The following PPP2R2D variants were observed in gnomAD, a reference collection of about 807,000 sequenced individuals.
The protein encoded by PPP2R2D is serine/threonine-protein phosphatase 2A 55 kDa regulatory subunit B delta isoform.
PPP2R2D carries 9 observed loss-of-function variants against 31.1 expected under a neutral mutation model. The ratio of observed to expected loss-of-function variants is 0.29; its 90% CI spans 0.17 to 0.51. The LOEUF (loss-of-function observed/expected upper bound fraction) is 0.51. Among genes scored for constraint, PPP2R2D ranks in the 20% least tolerant of loss-of-function variants. PPP2R2D has a pLI of 0.98. For synonymous variants in PPP2R2D, 179 were observed against 172.6 expected, an observed-to-expected ratio of 1.04 and a Z score of -0.29; for missense variants, 391 against 465.6, an observed-to-expected ratio of 0.84 and a Z score of 1.48.
At chr10:131,907,227 T>C (rs2119717288) in intron 2 of PPP2R2D, among the ~76,000 whole-genome samples, 1 of 152,252 alleles carries the variant, frequency 6.6e-6, no homozygotes, top group East Asian at 1.9e-4. Flanking sequence ...TGGGACATGG[T>C]GTCTGCTTAT....
the PPP2R2D span, chr10:131,971,341 AAATG>A: frequency 3.9e-6 from 1 of 253,502 alleles, no homozygotes. Flanking sequence ...TAAGAAAAGA[AAATG>A]AAAACAGCCG....
intron 2 of PPP2R2D, among the ~76,000 whole-genome samples, chr10:131,917,162 C>T (rs1375915267): frequency 3.5e-5 from 5 of 141,740 alleles, no homozygotes; most frequent in Admixed American, 7.0e-5. Flanking sequence ...GGACCTCAGG[C>T]GGGTGGAATG....
At chr10:131,904,520 AG>A (rs1339813149) in intron 2 of PPP2R2D, among the ~76,000 whole-genome samples, 9 of 151,740 alleles carry the variant, frequency 5.9e-5, no homozygotes, top group Non-Finnish European at 4.4e-5. Flanking sequence ...AAAAAAAAAA[AG>A]AGAGATGGGC....
intron 7 of PPP2R2D, among the ~76,000 whole-genome samples, chr10:131,946,481 C>T (rs782000423): frequency 7.2e-5 from 11 of 152,190 alleles, no homozygotes; most frequent in Non-Finnish European, 1.6e-4. Flanking sequence ...GGACCGTGTG[C>T]AGCAGCCTTT....
At position 131,958,032 on chromosome 10, in the gene PPP2R2D, A is replaced by G. The variant is rs1315451208; in HGVS notation, c.*2069A>G. 29 of 125,200 alleles carry G rather than the reference A, an allele frequency of 2.3e-4. No individual in the cohort carries two copies. Among genetic ancestry groups the G allele is most frequent in the Middle Eastern group, 5.4e-3 (1 of 184 alleles). 7.8% of individuals were successfully genotyped at this position (125,200 alleles called of 1,614,324 possible). A position where few individuals can be genotyped will look rare whatever the true frequency, so the allele number is the denominator to read the frequency against. ...GTGCTGATCCCCCGTCCCCCTGTGG[A>G]GATGAAGGTGTGTGCTGATCCCCCA... On this transcript the variant is annotated 3_prime_UTR_variant, in exon 9 of 9. Coordinates refer to ENST00000455566, the MANE Select transcript of PPP2R2D (RefSeq NM_018461.5).
At chr10:131,953,514 C>G (rs1219844697) in intron 8 of PPP2R2D, among the ~76,000 whole-genome samples, 2 of 111,444 alleles carry the variant, frequency 1.8e-5, no homozygotes, top group Non-Finnish European at 3.4e-5. Flanking sequence ...TAGTGACTTG[C>G]AGGTGTGCAG....
the PPP2R2D span, chr10:131,968,498 G>A: frequency 2.8e-5 from 43 of 1,556,850 alleles, no homozygotes; most frequent in African/African-American, 2.6e-4. Context: ...ATCCACTAAC[G>A]AACCAAGTCA....
chr10:131,955,215 G>C (rs1031454297), intron 8 of PPP2R2D, among the ~76,000 whole-genome samples: 15 of 152,138 alleles, frequency 9.9e-5, no homozygotes, highest in African/African-American at 3.6e-4. Flanking sequence ...TCTATCCGTT[G>C]CCTCATTTGA....
chr10:131,912,562 C>T (rs994031962), intron 2 of PPP2R2D: 42,490 of 152,276 alleles, frequency 0.28, 6,093 homozygotes, highest in East Asian at 0.45. Flanking sequence ...CAGCCATACT[C>T]GAGCTCATTT....
In PPP2R2D at chr10:131,941,457, G is replaced by A. The variant is rs575753114; in HGVS notation, c.477+763G>A. ...GAGAAACCAGCACCTGTGCAGAGGT[G>A]TGTCCCCTGGAAGGAAACTCTGCCT... On this transcript the variant is annotated intron_variant, in intron 5 of 8. Coordinates refer to ENST00000455566, the MANE Select transcript of PPP2R2D (RefSeq NM_018461.5). 2.6e-5 allele frequency among the ~76,000 whole-genome samples: 4 copies of A among 152,236 alleles called. No individual in the cohort carries two copies. In the South Asian group the frequency reaches 8.3e-4, roughly 32 times the overall value.
At chr10:131,953,209 C>T (rs1338437184) in intron 8 of PPP2R2D, among the ~76,000 whole-genome samples, 147 of 56,606 alleles carry the variant, frequency 2.6e-3, no homozygotes, top group African/African-American at 8.5e-3. Flanking sequence ...CAGTGACTTG[C>T]GGTTGTGTGT....
intron 2 of PPP2R2D, among the ~76,000 whole-genome samples, chr10:131,915,740 A>G (rs902045248): frequency 2.0e-5 from 3 of 152,240 alleles, no homozygotes; most frequent in Non-Finnish European, 4.4e-5. Flanking sequence ...AGATCTGTTC[A>G]GTGTCACAGG....
In PPP2R2D at chr10:131,956,166, G is replaced by T. The variant is rs563518789; in HGVS notation, c.*203G>T. 2 of 1,233,986 alleles carry T rather than the reference G, an allele frequency of 1.6e-6. No homozygotes were observed. The highest frequency in any genetic ancestry group is 1.5e-5 in the African/African-American group (1 of 64,550). 76.4% of individuals were successfully genotyped at this position (1,233,986 alleles called of 1,614,324 possible). A position where few individuals can be genotyped will look rare whatever the true frequency, so the allele number is the denominator to read the frequency against. ...GCGCGAGACAGGCGCTGCTGCTCAC[G>T]TGGAGACGCTCTCGAAGCAGAGTTG... On this transcript the variant is annotated 3_prime_UTR_variant, in exon 9 of 9. Coordinates refer to ENST00000455566, the MANE Select transcript of PPP2R2D (RefSeq NM_018461.5).
chr10:131,915,088 A>T (rs545190342), intron 2 of PPP2R2D, among the ~76,000 whole-genome samples: 25 of 144,050 alleles, frequency 1.7e-4, no homozygotes, highest in Middle Eastern at 3.5e-3. Context: ...AATACCTTAA[A>T]TTTTTTTTTT....
chr10:131,937,399 C>T (rs2036363347), intron 3 of PPP2R2D, among the ~76,000 whole-genome samples: 1 of 152,206 alleles, frequency 6.6e-6, no homozygotes, highest in Non-Finnish European at 1.5e-5. Flanking sequence ...AATCAGAAAT[C>T]AGCACGTCCA....
intron 7 of PPP2R2D, among the ~76,000 whole-genome samples, chr10:131,946,098 C>T (rs782585398): frequency 1.3e-5 from 2 of 152,148 alleles, no homozygotes; most frequent in Admixed American, 6.6e-5. Context: ...GGGCTGAGGC[C>T]GCCAGCACAC....
In PPP2R2D at chr10:131,956,222, A is replaced by G. The variant is rs886302258; in HGVS notation, c.*259A>G. ...CACTGCTCCCAAAAGGTCATTACTC[A>G]GAATAAATGTATTTATTTCAGTCCG... On this transcript the variant is annotated 3_prime_UTR_variant, in exon 9 of 9. Transcript: ENST00000455566. 8 of 1,180,470 alleles carry G rather than the reference A, an allele frequency of 6.8e-6. No homozygotes were observed. Among genetic ancestry groups the G allele is most frequent in the African/African-American group, 1.6e-5 (1 of 63,466 alleles). The allele number at this position is 1,180,470 out of a possible 1,614,324, so 73.1% of individuals were successfully genotyped here.
intron 4 of PPP2R2D, among the ~76,000 whole-genome samples, 182 bp downstream of exon 4, chr10:131,940,378 C>T (rs1469185863): frequency 6.6e-6 from 1 of 151,992 alleles, no homozygotes; most frequent in Non-Finnish European, 1.5e-5. Flanking sequence ...ACCACACGTG[C>T]ACTTTATTAT....
the PPP2R2D span, chr10:131,970,867 G>C: frequency 6.2e-7 from 1 of 1,614,176 alleles, no homozygotes; most frequent in South Asian, 1.1e-5. This position sits in a 1 kb window ranked among gnomAD's most constrained non-coding sequence, Gnocchi z 4.1. Context: ...CACTCACTTG[G>C]GGGGAATATT....
Sources: gnomAD v4.1 joint callset for allele counts (sites outside exome capture counted in the v4.1 genomes callset) on GRCh38, gnomAD v4.1.1 for gene constraint, Gnocchi (gnomAD v3.1) non-coding constraint, MANE v1.5 for transcripts, NCBI Gene and HGNC (gene_info 2026-07-23, HGNC 2026-07-21) for gene names.